Variants in LRBA observed in about 807,000 individuals in gnomAD.
LRBA encodes the protein LPS responsive beige-like anchor protein.
In LRBA, 176 loss-of-function variants were observed where a neutral mutation model predicts 330.0. That is an observed-to-expected ratio of 0.53 (90% CI 0.47 to 0.60). The LOEUF (loss-of-function observed/expected upper bound fraction) is 0.60. Among genes scored for constraint, LRBA ranks in the 20% least tolerant of loss-of-function variants. LRBA has a pLI of 0.00. For synonymous variants in LRBA, 1,230 were observed against 1,193.0 expected (o/e 1.03, Z -0.64); for missense variants, 3,259 against 3,444.8 (o/e 0.95, Z 1.35).
intron 44 of LRBA, 59 bp downstream of exon 44, chr4:150,467,614 A>C: frequency 9.5e-7 from 1 of 1,052,544 alleles, no homozygotes; most frequent in South Asian, 1.5e-5. Flanking sequence ...AACGAAAGAC[A>C]ATCCAATTTA....
At chr4:150,406,627 AT>A (rs1176264451) in intron 47 of LRBA, among the ~76,000 whole-genome samples, 1 of 152,222 alleles carries the variant, frequency 6.6e-6, no homozygotes, top group East Asian at 1.9e-4. Flanking sequence ...AAGTTGGTTA[AT>A]TTATCAGGAA....
At chr4:150,681,624 GA>G (rs1176835275) in intron 37 of LRBA, among the ~76,000 whole-genome samples, 5 of 152,086 alleles carry the variant, frequency 3.3e-5, no homozygotes, top group African/African-American at 1.2e-4. Flanking sequence ...TTATAGAGAG[GA>G]AAATATTAAT....
At chr4:150,639,815 GTGTGTATATATATATATATA>G (rs1295166690) in intron 37 of LRBA, among the ~76,000 whole-genome samples, 178 of 4,894 alleles carry the variant, frequency 0.036, 25 homozygotes, top group African/African-American at 0.067. Flanking sequence ...ATGTGTGTGT[GTGTGTATATATATATATATA>G]TATATATATA....
intron 55 of LRBA, among the ~76,000 whole-genome samples, chr4:150,279,122 C>A (rs948720486): frequency 5.3e-5 from 8 of 152,230 alleles, no homozygotes; most frequent in African/African-American, 1.9e-4. Flanking sequence ...CTGCGCCTGG[C>A]CTTCCATAAA....
chr4:150,855,206 T>C (rs2126933835), intron 22 of LRBA, among the ~76,000 whole-genome samples: 1 of 152,320 alleles, frequency 6.6e-6, no homozygotes, highest in South Asian at 2.1e-4. Context: ...GAGGTTGCAG[T>C]GAGCCAAAAT....
At chr4:150,370,427 C>G (rs1740093453) in intron 47 of LRBA, among the ~76,000 whole-genome samples, 1 of 151,960 alleles carries the variant, frequency 6.6e-6, no homozygotes, top group South Asian at 2.1e-4. Context: ...ATGAAAGAAG[C>G]CAATCTGAAA....
intron 22 of LRBA, among the ~76,000 whole-genome samples, chr4:150,854,258 A>T (rs1750959409): frequency 6.6e-6 from 1 of 152,214 alleles, no homozygotes; most frequent in Non-Finnish European, 1.5e-5. Flanking sequence ...TATGTTCTTA[A>T]TTCTAAAACT....
At chr4:150,815,992 A>T (rs956916172) in intron 31 of LRBA, among the ~76,000 whole-genome samples, 2 of 152,136 alleles carry the variant, frequency 1.3e-5, no homozygotes, top group African/African-American at 4.8e-5. Context: ...ATAACAAATA[A>T]AAGAGAAGAC....
At chr4:150,567,289 A>G (rs1279169219) in intron 40 of LRBA, among the ~76,000 whole-genome samples, 2 of 152,180 alleles carry the variant, frequency 1.3e-5, no homozygotes, top group African/African-American at 2.4e-5. Flanking sequence ...GTAGGATAAC[A>G]AGATGCTCTT....
At chr4:150,407,271 A>G (rs1561131239) in intron 47 of LRBA, among the ~76,000 whole-genome samples, 1 of 152,248 alleles carries the variant, frequency 6.6e-6, no homozygotes, top group Non-Finnish European at 1.5e-5. Context: ...TCTGGACTCT[A>G]GAACTGTGAA....
chr4:150,280,733 T>C (rs1048868496), intron 55 of LRBA, among the ~76,000 whole-genome samples: 10 of 152,346 alleles, frequency 6.6e-5, no homozygotes, highest in African/African-American at 2.2e-4. Flanking sequence ...TGGGCTCAGA[T>C]TGAGGAAGGA....
intron 47 of LRBA, among the ~76,000 whole-genome samples, chr4:150,396,509 C>CAT (rs55834733): frequency 1.3e-5 from 2 of 151,330 alleles, no homozygotes; most frequent in East Asian, 1.9e-4. Flanking sequence ...CACACACACA[C>CAT]GTACTCCCAG....
chr4:150,838,898 A>T (rs1405173578), intron 28 of LRBA, among the ~76,000 whole-genome samples: 1 of 152,052 alleles, frequency 6.6e-6, no homozygotes, highest in African/African-American at 2.4e-5. Flanking sequence ...AATGGGATCT[A>T]TTTAAACTGA....
intron 51 of LRBA, 96 bp downstream of exon 51, chr4:150,315,465 T>C: frequency 9.7e-7 from 1 of 1,029,618 alleles, no homozygotes; most frequent in East Asian, 2.4e-5. Flanking sequence ...AAAATTCCAT[T>C]CCCAGCAACC....
At chr4:150,841,859 T>C (rs1749131996) in intron 28 of LRBA, among the ~76,000 whole-genome samples, 1 of 151,986 alleles carries the variant, frequency 6.6e-6, no homozygotes, top group Admixed American at 6.6e-5. Context: ...GGATTCACCA[T>C]GTTAGCCAGG....
chr4:150,967,956 C>A (rs931709061), intron 2 of LRBA, among the ~76,000 whole-genome samples: 14 of 151,804 alleles, frequency 9.2e-5, no homozygotes, highest in African/African-American at 3.1e-4. Flanking sequence ...AATTAATAAA[C>A]CTACAATGGC....
At chr4:150,605,322 A>G (rs1581794633) in intron 37 of LRBA, among the ~76,000 whole-genome samples, 1 of 152,216 alleles carries the variant, frequency 6.6e-6, no homozygotes, top group African/African-American at 2.4e-5. Context: ...AGTTTTAAAA[A>G]GAAAACCTGT....
At chr4:150,738,389 G>A (rs1731504690) in intron 35 of LRBA, among the ~76,000 whole-genome samples, 1 of 152,016 alleles carries the variant, frequency 6.6e-6, no homozygotes, top group Admixed American at 6.6e-5. Flanking sequence ...ACCTAAGAGG[G>A]TAGAGGAAAA....
At chr4:150,504,117 T>C (rs1760702232) in intron 40 of LRBA, among the ~76,000 whole-genome samples, 1 of 152,164 alleles carries the variant, frequency 6.6e-6, no homozygotes, top group African/African-American at 2.4e-5. Flanking sequence ...TACATCTGAC[T>C]GGTGTACCTG....
Sources: gnomAD v4.1 joint callset for allele counts (sites outside exome capture counted in the v4.1 genomes callset) on GRCh38, gnomAD v4.1.1 for gene constraint, MANE v1.5 for transcripts, NCBI Gene and HGNC (gene_info 2026-07-23, HGNC 2026-07-21) for gene names.